Variants in NT5DC1 observed in about 807,000 individuals in gnomAD.
NT5DC1 encodes 5'-nucleotidase domain-containing protein 1.
A neutral mutation model predicts 59.4 loss-of-function variants in NT5DC1; 42 were observed. The observed-to-expected ratio is 0.71, with a 90% confidence interval of 0.55 to 0.92. NT5DC1 has a LOEUF of 0.92. Ranked by LOEUF, NT5DC1 falls within the 40% of genes least tolerant of loss-of-function variation. NT5DC1 has a pLI of 0.00. For synonymous variants in NT5DC1, 172 were observed against 188.1 expected, an observed-to-expected ratio of 0.91 and a Z score of 0.70; for missense variants, 501 against 537.1, an observed-to-expected ratio of 0.93 and a Z score of 0.66.
rs138651146 is a variant in NT5DC1, at chr6:116,231,872, G to A, written c.803-5094G>A. Among the ~76,000 whole-genome samples the A allele has an allele frequency of 1.4e-3, 218 of 152,334 alleles. 1 individual carries two copies. Among genetic ancestry groups the A allele is most frequent in the Non-Finnish European group, 2.5e-3 (170 of 68,026 alleles). On this transcript the variant is annotated intron_variant, in intron 8 of 11. Transcript: ENST00000319550. ...AAAATAGCAAGTTGCAGAGCCTCAT[G>A]CAGATTATTCTAATAATAGCATTTA...
intron 1 of NT5DC1, among the ~76,000 whole-genome samples, chr6:116,103,342 G>A (rs1778701431): frequency 6.6e-6 from 1 of 152,106 alleles, no homozygotes; most frequent in Admixed American, 6.5e-5. Flanking sequence ...TCACTTAACA[G>A]TGATTTAGTC....
chr6:116,136,006 G>C (rs1779591553), intron 6 of NT5DC1, among the ~76,000 whole-genome samples: 1 of 151,700 alleles, frequency 6.6e-6, no homozygotes, highest in African/African-American at 2.4e-5. Flanking sequence ...TCGAACTATA[G>C]TCACCATGCT....
intron 6 of NT5DC1, chr6:116,120,617 T>C: frequency 1.3e-6 from 2 of 1,564,338 alleles, no homozygotes; most frequent in Non-Finnish European, 1.7e-6. Flanking sequence ...CTCTCCAGAG[T>C]GGCCTCTTGG....
At chr6:116,177,147 A>C (rs1475130028) in intron 6 of NT5DC1, among the ~76,000 whole-genome samples, 1 of 152,228 alleles carries the variant, frequency 6.6e-6, no homozygotes, top group African/African-American at 2.4e-5. Flanking sequence ...GCATACGACT[A>C]TAAAAATTAA....
intron 1 of NT5DC1, among the ~76,000 whole-genome samples, chr6:116,101,281 A>G (rs193090508): frequency 1.3e-5 from 2 of 152,252 alleles, no homozygotes; most frequent in Non-Finnish European, 2.9e-5. Flanking sequence ...AGGAGGGGCA[A>G]ACTGCGCAAG....
intron 6 of NT5DC1, among the ~76,000 whole-genome samples, chr6:116,178,541 A>G (rs1216911908): frequency 1.3e-5 from 2 of 152,232 alleles, no homozygotes; most frequent in African/African-American, 4.8e-5. Flanking sequence ...TTGTTGTTAA[A>G]GAAGTCATAA....
At chr6:116,175,596 T>C (rs1285291221) in intron 6 of NT5DC1, among the ~76,000 whole-genome samples, 5 of 152,218 alleles carry the variant, frequency 3.3e-5, no homozygotes, top group Non-Finnish European at 1.5e-5. Flanking sequence ...GGATGCCCTG[T>C]TCCTTCTCCC....
At chr6:116,106,065 C>T (rs1169189051) in intron 1 of NT5DC1, among the ~76,000 whole-genome samples, 179 bp from the exon 2 acceptor site, 2 of 152,186 alleles carry the variant, frequency 1.3e-5, no homozygotes, top group Admixed American at 1.3e-4. Flanking sequence ...CTACCTGGGG[C>T]ATGCAGGGGA....
At chr6:116,157,534 T>C (rs1780226847) in intron 6 of NT5DC1, among the ~76,000 whole-genome samples, 6 of 152,312 alleles carry the variant, frequency 3.9e-5, no homozygotes. Flanking sequence ...CATGAATTGT[T>C]GAAGAGATTT....
rs78979246 is a variant in NT5DC1, at chr6:116,139,716, T to C, written c.529+21771T>C. On this transcript the variant is annotated intron_variant, in intron 6 of 11. Coordinates refer to ENST00000319550, the MANE Select transcript of NT5DC1 (RefSeq NM_152729.3). The stretch of plus-strand genomic sequence containing the variant: ...TATGAGCTATGGTTCTTTAGATCTT[T>C]CTTGTCATGGGAGTAAGGAGAGAAA... 9.9e-3 allele frequency among the ~76,000 whole-genome samples: 1,510 copies of C among 152,280 alleles called. 10 individuals are homozygous for C. Among genetic ancestry groups the C allele is most frequent in the Non-Finnish European group, 0.015 (1,031 of 68,016 alleles).
At chr6:116,188,301 A>T (rs575237718) in intron 6 of NT5DC1, among the ~76,000 whole-genome samples, 2 of 152,180 alleles carry the variant, frequency 1.3e-5, no homozygotes, top group African/African-American at 4.8e-5. Context: ...TAAAGTTGAA[A>T]GTGAGCATTC....
chr6:116,144,576 A>G (rs1268104374), intron 6 of NT5DC1, among the ~76,000 whole-genome samples: 1 of 152,294 alleles, frequency 6.6e-6, no homozygotes, highest in African/African-American at 2.4e-5. Context: ...CTTTAAATAT[A>G]TGACTCTAAG....
intron 5 of NT5DC1, among the ~76,000 whole-genome samples, chr6:116,116,098 G>A (rs1778958135): frequency 6.6e-6 from 1 of 152,008 alleles, no homozygotes; most frequent in Non-Finnish European, 1.5e-5. Context: ...AAATAAAAAA[G>A]TTAGAGGTGA....
At chr6:116,231,897 A>G (rs1242083175) in intron 8 of NT5DC1, among the ~76,000 whole-genome samples, 1 of 152,246 alleles carries the variant, frequency 6.6e-6, no homozygotes, top group Non-Finnish European at 1.5e-5. Context: ...AATAGCATTT[A>G]AAAGCGTTTT....
In NT5DC1 at chr6:116,227,665, A is replaced by ATGAGGTGATATCTCATTATGGTTTTAATT. The variant is rs1226391553; in HGVS notation, c.802+4537_802+4565dup. Among the ~76,000 whole-genome samples, 270 of 152,234 alleles carry ATGAGGTGATATCTCATTATGGTTTTAATT rather than the reference A, an allele frequency of 1.8e-3. 2 individuals carry two copies. Among genetic ancestry groups the ATGAGGTGATATCTCATTATGGTTTTAATT allele is most frequent in the African/African-American group, 6.2e-3 (257 of 41,546 alleles). On this transcript the variant is annotated intron_variant, in intron 8 of 11. Transcript: ENST00000319550. ...TTTGATAACAGCCATTCTAATAGGTATGAGGTGATATCTCATTATGGTTTT... is the reference window on the plus strand; with the variant it reads ...TTTGATAACAGCCATTCTAATAGGTATGAGGTGATATCTCATTATGGTTTTAATTTGAGGTGATATCTCATTATGGTTTT...
intron 6 of NT5DC1, among the ~76,000 whole-genome samples, chr6:116,122,151 T>G (rs1014632281): frequency 3.9e-5 from 6 of 152,334 alleles, no homozygotes; most frequent in Admixed American, 1.3e-4. Flanking sequence ...CTGGAGAAGA[T>G]GGTTTCACAA....
intron 6 of NT5DC1, chr6:116,125,287 T>A (rs1042750688): frequency 5.0e-6 from 8 of 1,588,482 alleles, no homozygotes; most frequent in Non-Finnish European, 6.9e-6. Context: ...ATTAAGATTA[T>A]AGAAAGCAAC....
intron 6 of NT5DC1, among the ~76,000 whole-genome samples, chr6:116,217,108 A>T (rs1347660497): frequency 1.3e-5 from 2 of 152,210 alleles, no homozygotes; most frequent in African/African-American, 4.8e-5. Context: ...TTCAGTGATG[A>T]TAGAAATAGT....
At chr6:116,209,275 A>C (rs149697551) in intron 6 of NT5DC1, among the ~76,000 whole-genome samples, 1 of 152,088 alleles carries the variant, frequency 6.6e-6, no homozygotes, top group East Asian at 1.9e-4. Context: ...TACCATTTTA[A>C]GATGTAAGCA....
Sources: allele counts gnomAD v4.1 joint callset (sites outside exome capture counted in the v4.1 genomes callset), GRCh38; gene constraint gnomAD v4.1.1; transcripts MANE v1.5; gene names NCBI Gene and HGNC (gene_info 2026-07-23, HGNC 2026-07-21).